Variants in SOX5 observed in about 807,000 individuals in gnomAD.
The protein encoded by SOX5 is SRY-box transcription factor 5, also known as transcription factor SOX-5.
Under a neutral mutation model 92.0 loss-of-function variants are expected in SOX5, and 9 were observed. That is an observed-to-expected ratio of 0.10 (90% CI 0.06 to 0.17). The LOEUF is 0.17. Ranked by LOEUF, SOX5 falls within the 10% of genes least tolerant of loss-of-function variation. SOX5 has a pLI of 1.00. For missense variants in SOX5, 642 were observed against 944.5 expected (o/e 0.68, Z 4.20); for synonymous variants, 344 against 336.3 (o/e 1.02, Z -0.25).
chr12:23,767,746 G>C (rs1173915905), intron 3 of SOX5, among the ~76,000 whole-genome samples: 1 of 151,776 alleles, frequency 6.6e-6, no homozygotes, highest in Admixed American at 6.6e-5. Flanking sequence ...TATGGGGAAG[G>C]CAAGAGAAAG....
chr12:23,835,389 T>A (rs1474209259), intron 3 of SOX5, among the ~76,000 whole-genome samples: 3 of 151,884 alleles, frequency 2.0e-5, no homozygotes, highest in African/African-American at 7.2e-5. Flanking sequence ...GGCATATATA[T>A]CTCTGTCTTG....
At chr12:24,330,287 A>G (rs562570891) in intron 2 of SOX5, among the ~76,000 whole-genome samples, 14 of 152,356 alleles carry the variant, frequency 9.2e-5, no homozygotes, top group African/African-American at 1.7e-4. Context: ...AGGTTGGCTT[A>G]AGAAACAAAT....
At chr12:24,162,641 A>G (rs1421171697) in intron 4 of SOX5, among the ~76,000 whole-genome samples, 1 of 152,150 alleles carries the variant, frequency 6.6e-6, no homozygotes, top group Non-Finnish European at 1.5e-5. Context: ...GATCGTGTGA[A>G]TATTATCCTT....
intron 4 of SOX5, among the ~76,000 whole-genome samples, chr12:23,990,059 G>C (rs1387888834): frequency 6.6e-6 from 1 of 151,752 alleles, no homozygotes; most frequent in African/African-American, 2.4e-5. Context: ...AGAAAAGAAG[G>C]AGAGAGAAAA....
chr12:23,674,325 C>T (rs2085288148), intron 6 of SOX5, among the ~76,000 whole-genome samples: 1 of 104,838 alleles, frequency 9.5e-6, no homozygotes, highest in Admixed American at 1.0e-4. Flanking sequence ...ATTTTCTTAC[C>T]ATAAAAAGGA....
intron 2 of SOX5, among the ~76,000 whole-genome samples, chr12:23,858,458 T>C (rs927268319): frequency 6.6e-6 from 1 of 152,128 alleles, no homozygotes; most frequent in Admixed American, 6.5e-5. Context: ...ATATTATTGA[T>C]CACTAGAGAA....
At chr12:23,698,124 C>G (rs912555881) in intron 6 of SOX5, among the ~76,000 whole-genome samples, 1 of 152,044 alleles carries the variant, frequency 6.6e-6, no homozygotes, top group African/African-American at 2.4e-5. Flanking sequence ...CATGTAGAGT[C>G]TAAGAAGAAC....
upstream of SOX5, chr12:23,949,804 CT>C (rs1945290563): frequency 1.1e-5 from 5 of 447,036 alleles, no homozygotes; most frequent in Non-Finnish European, 1.9e-5. Context: ...TTCTCCCCCC[CT>C]CCTTCCCCTC....
At chr12:23,601,118 C>T (rs915846831) in intron 9 of SOX5, among the ~76,000 whole-genome samples, 2 of 152,098 alleles carry the variant, frequency 1.3e-5, no homozygotes, top group South Asian at 2.1e-4. Flanking sequence ...CTTTCTCTCT[C>T]GCGCACACAC....
At chr12:23,678,560 G>C (rs1244865760) in intron 6 of SOX5, among the ~76,000 whole-genome samples, 1 of 152,090 alleles carries the variant, frequency 6.6e-6, no homozygotes, top group East Asian at 1.9e-4. Context: ...CCATCCACTT[G>C]CCCTCTACCA....
chr12:24,137,205 G>A (rs1044592069), intron 4 of SOX5, among the ~76,000 whole-genome samples: 6 of 152,112 alleles, frequency 3.9e-5, no homozygotes, highest in Non-Finnish European at 7.4e-5. Context: ...AATTATGGAC[G>A]GCATATGTGG....
chr12:23,559,159 A>C (rs1402240755), intron 11 of SOX5, among the ~76,000 whole-genome samples: 6 of 152,302 alleles, frequency 3.9e-5, no homozygotes, highest in African/African-American at 1.4e-4. Flanking sequence ...GGATACTTTC[A>C]AACACAAGCT....
intron 2 of SOX5, among the ~76,000 whole-genome samples, chr12:24,282,416 G>GA (rs1371062578): frequency 1.3e-5 from 2 of 149,132 alleles, no homozygotes; most frequent in South Asian, 4.2e-4. Context: ...ATATTCATCA[G>GA]AAAAAAAGAA....
rs1594992750 is a variant in SOX5 at position 23,846,023 on chromosome 12, C to T, written c.441G>A (p.Lys147=). The T allele has an allele frequency of 1.9e-6, 3 of 1,614,160 alleles. No individual in the cohort carries two copies. The highest frequency in any genetic ancestry group is 2.5e-6 in the Non-Finnish European group (3 of 1,180,002). The stretch of plus-strand genomic sequence containing the variant: ...TGATGAGCTCTTCCATTTTCCTCTG[C>T]TTCAAGGTGTCAACAACATCAGCTA... ...GSLADVVDTL[K]QRKMEELIKN... is the part of the protein sequence containing the mutation. The change falls in exon 3 of 15, where the codon AAG becomes AAA. Residue 147 remains lysine (K), a synonymous_variant. Coordinates refer to ENST00000451604, the MANE Select transcript of SOX5 (RefSeq NM_006940.6).
intron 1 of SOX5, among the ~76,000 whole-genome samples, chr12:23,930,062 C>T (rs111664467): frequency 3.9e-5 from 6 of 151,914 alleles, no homozygotes; most frequent in African/African-American, 1.2e-4. Context: ...CCCTTTCTCA[C>T]CCCTCACAAA....
At chr12:24,302,175 C>G (rs1368411801) in intron 2 of SOX5, among the ~76,000 whole-genome samples, 1 of 152,114 alleles carries the variant, frequency 6.6e-6, no homozygotes, top group African/African-American at 2.4e-5. Context: ...CATAAAATAT[C>G]TCCTAAAGAT....
intron 3 of SOX5, among the ~76,000 whole-genome samples, chr12:23,809,406 TTAGTA>T (rs1490281257): frequency 1.3e-5 from 2 of 152,052 alleles, no homozygotes; most frequent in African/African-American, 4.8e-5. Flanking sequence ...TTCTTATAAA[TTAGTA>T]TAGAGCATTA....
chr12:24,179,557 T>C (rs1436918549), intron 4 of SOX5, among the ~76,000 whole-genome samples: 1 of 152,190 alleles, frequency 6.6e-6, no homozygotes, highest in Non-Finnish European at 1.5e-5. Flanking sequence ...GGATATTGTA[T>C]TTTGTGTTTT....
intron 2 of SOX5, among the ~76,000 whole-genome samples, chr12:24,332,672 C>T (rs572507723): frequency 2.8e-4 from 43 of 151,916 alleles, no homozygotes; most frequent in African/African-American, 9.4e-4. Context: ...ATGGTTAGAA[C>T]GATAATTTTA....
Sources: allele counts gnomAD v4.1 joint callset (sites outside exome capture counted in the v4.1 genomes callset), GRCh38; gene constraint gnomAD v4.1.1; transcripts MANE v1.5; gene names NCBI Gene and HGNC (gene_info 2026-07-23, HGNC 2026-07-21).